The following CHRNA7 variants were observed in gnomAD, a reference collection of about 807,000 sequenced individuals.
CHRNA7 encodes cholinergic receptor nicotinic alpha 7 subunit.
In CHRNA7, 17 loss-of-function variants were observed where a neutral mutation model predicts 48.0. The observed-to-expected ratio is 0.35, with a 90% CI of 0.24 to 0.53. The LOEUF (loss-of-function observed/expected upper bound fraction) is 0.53. Among genes scored for constraint, CHRNA7 ranks in the 20% least tolerant of loss-of-function variants. The pLI is 0.92. For synonymous variants in CHRNA7, 75 were observed against 242.3 expected, an observed-to-expected ratio of 0.31 and a Z score of 6.41; for missense variants, 155 against 577.7, an observed-to-expected ratio of 0.27 and a Z score of 7.50.
At chr15:32,129,795 C>T (rs761882671) in intron 4 of CHRNA7, among the ~76,000 whole-genome samples, 16 of 151,228 alleles carry the variant, frequency 1.1e-4, no homozygotes, top group Non-Finnish European at 1.6e-4. Flanking sequence ...AGTTTCTTAC[C>T]GAGTGAGCAT....
chr15:32,087,383 A>T (rs1293973251), intron 2 of CHRNA7, among the ~76,000 whole-genome samples: 2 of 152,012 alleles, frequency 1.3e-5, no homozygotes, highest in African/African-American at 4.8e-5. Flanking sequence ...TTCATCTGGT[A>T]TATTTCCTGC....
In CHRNA7 at chr15:32,075,559, C is replaced by T. The variant is rs114945513; in HGVS notation, c.196-25744C>T. 5.0e-3 allele frequency among the ~76,000 whole-genome samples: 756 copies of T among 152,004 alleles called. 14 individuals are homozygous for T. The highest frequency in any genetic ancestry group is 0.018 in the African/African-American group (731 of 41,498). On this transcript the variant is annotated intron_variant, in intron 2 of 9. Coordinates refer to ENST00000306901, the MANE Select transcript of CHRNA7 (RefSeq NM_000746.6). ...TGCATTCATATCCTCTATTTTAGTC[C>T]TCATGCTGCTTATTTGAATCTTCTC... is the stretch of plus-strand genomic sequence containing the variant.
intron 2 of CHRNA7, among the ~76,000 whole-genome samples, chr15:32,040,771 G>A (rs1199474950): frequency 1.3e-5 from 2 of 151,756 alleles, no homozygotes; most frequent in South Asian, 2.1e-4. Flanking sequence ...TTCTTCAGTG[G>A]TTCTTTCTTT....
At chr15:32,141,392 C>T (rs1205775810) in intron 4 of CHRNA7, among the ~76,000 whole-genome samples, 1 of 152,154 alleles carries the variant, frequency 6.6e-6, no homozygotes, top group Non-Finnish European at 1.5e-5. Flanking sequence ...TTAGGATTGT[C>T]TTGGCTATGT....
chr15:32,143,261 T>G (rs767653391), intron 4 of CHRNA7, among the ~76,000 whole-genome samples: 4 of 152,232 alleles, frequency 2.6e-5, no homozygotes, highest in Non-Finnish European at 5.9e-5. Context: ...TGAGTTCTAA[T>G]TTGATTGCAC....
intron 4 of CHRNA7, among the ~76,000 whole-genome samples, chr15:32,134,731 CAAGT>C (rs1035725623): frequency 2.6e-5 from 4 of 152,052 alleles, no homozygotes; most frequent in Non-Finnish European, 5.9e-5. Flanking sequence ...TAATTACACT[CAAGT>C]AAGAATTAAA....
At chr15:32,106,299 A>T (rs2050668082) in intron 3 of CHRNA7, among the ~76,000 whole-genome samples, 1 of 152,156 alleles carries the variant, frequency 6.6e-6, no homozygotes, top group South Asian at 2.1e-4. Context: ...GAAAATCTGA[A>T]TCCACATAAT....
chr15:32,123,964 C>CAAA (rs57791060), intron 4 of CHRNA7, among the ~76,000 whole-genome samples: 123 of 47,100 alleles, frequency 2.6e-3, no homozygotes, highest in Middle Eastern at 0.014. Flanking sequence ...AAAATCTGGC[C>CAAA]AAAAAAAAAA....
At chr15:32,154,620 G>T (rs2051697896) in intron 5 of CHRNA7, among the ~76,000 whole-genome samples, 1 of 29,702 alleles carries the variant, frequency 3.4e-5, no homozygotes, top group Admixed American at 5.8e-4. Context: ...GCCTAAAGGT[G>T]CATGCAGAGT....
At chr15:32,136,648 T>A (rs938158947) in intron 4 of CHRNA7, among the ~76,000 whole-genome samples, 1 of 151,982 alleles carries the variant, frequency 6.6e-6, no homozygotes, top group Admixed American at 6.6e-5. Context: ...TATACAAGGT[T>A]AAAGTGTGAG....
intron 2 of CHRNA7, among the ~76,000 whole-genome samples, chr15:32,061,836 A>C (rs1272158790): frequency 2.6e-5 from 4 of 151,440 alleles, no homozygotes; most frequent in South Asian, 2.1e-4. Context: ...AAAAAACACC[A>C]AAAAAACAAC....
intron 2 of CHRNA7, among the ~76,000 whole-genome samples, chr15:32,083,576 A>G (rs1048847040): frequency 1.3e-5 from 2 of 152,206 alleles, no homozygotes; most frequent in African/African-American, 4.8e-5. Flanking sequence ...AAGGGATGAG[A>G]TAAGGAGGGT....
intron 2 of CHRNA7, among the ~76,000 whole-genome samples, chr15:32,067,400 T>C (rs1335087028): frequency 2.0e-5 from 3 of 152,218 alleles, no homozygotes; most frequent in Admixed American, 2.0e-4. Context: ...GAAAAGACTT[T>C]AAGAATTCTA....
At position 32,149,651 on chromosome 15, in the gene CHRNA7, T is replaced by G. The variant is rs1302979436; in HGVS notation, c.351-4256T>G. On this transcript the variant is annotated intron_variant, in intron 4 of 9. Transcript: ENST00000306901. This position sits in a 1 kb window ranked among gnomAD's most constrained non-coding sequence, Gnocchi z 4.6. ...AAAACTACCATCATGGGTATTAAGA[T>G]TTGGATTTTGATAACATTTATGTGT... Among the ~76,000 whole-genome samples, 2 of 152,214 alleles carry G rather than the reference T, an allele frequency of 1.3e-5. No individual in the cohort carries two copies. The highest frequency in any genetic ancestry group is 2.9e-5 in the Non-Finnish European group (2 of 68,034).
chr15:32,101,441 T>C, intron 3 of CHRNA7, 94 bp downstream of exon 3: 1 of 1,383,996 alleles, frequency 7.2e-7, no homozygotes. Flanking sequence ...TTCTGAGAGG[T>C]CCTGTTTAGG....
intron 2 of CHRNA7, among the ~76,000 whole-genome samples, chr15:32,038,056 G>GTATGTA (rs1555372370): frequency 1.4e-5 from 2 of 144,216 alleles, no homozygotes; most frequent in Non-Finnish European, 3.0e-5. Flanking sequence ...TTTTGGATAT[G>GTATGTA]TATATATATA....
intron 2 of CHRNA7, among the ~76,000 whole-genome samples, chr15:32,062,714 A>T (rs2049899186): frequency 1.3e-5 from 2 of 151,168 alleles, no homozygotes; most frequent in South Asian, 4.2e-4. Context: ...ACTACCTTGC[A>T]CTTCTGCCTG....
chr15:32,051,615 G>T (rs536017031), intron 2 of CHRNA7, among the ~76,000 whole-genome samples: 1 of 152,260 alleles, frequency 6.6e-6, no homozygotes, highest in Non-Finnish European at 1.5e-5. Flanking sequence ...GTGAGGCAAT[G>T]CCTCGCCCTG....
intron 4 of CHRNA7, among the ~76,000 whole-genome samples, chr15:32,137,581 A>G (rs1330610589): frequency 6.6e-6 from 1 of 152,228 alleles, no homozygotes; most frequent in Non-Finnish European, 1.5e-5. Flanking sequence ...AAATGTAAGT[A>G]TGTAGGAGTT....
Sources: gnomAD v4.1 joint callset for allele counts (sites outside exome capture counted in the v4.1 genomes callset) on GRCh38, gnomAD v4.1.1 for gene constraint, Gnocchi (gnomAD v3.1) non-coding constraint, MANE v1.5 for transcripts, NCBI Gene and HGNC (gene_info 2026-07-23, HGNC 2026-07-21) for gene names.